DOCK4: variants seen among roughly 807,000 people sequenced by gnomAD.
DOCK4 encodes dedicator of cytokinesis 4, also known as dedicator of cytokinesis protein 4.
Under a neutral mutation model 268.1 loss-of-function variants are expected in DOCK4, and 97 were observed. The observed-to-expected ratio is 0.36, with a 90% CI of 0.31 to 0.43. DOCK4 has a LOEUF of 0.43. DOCK4 is among the 20% of genes least tolerant of loss of function. The probability of loss-of-function intolerance (pLI) is 1.00; values close to 1 mark genes in which losing one functional copy is unlikely to be tolerated. For synonymous variants in DOCK4, 954 were observed against 887.2 expected, an observed-to-expected ratio of 1.08 and a Z score of -1.34; for missense variants, 2,145 against 2,455.7, an observed-to-expected ratio of 0.87 and a Z score of 2.67.
intron 13 of DOCK4, 29 bp downstream of exon 13, chr7:111,915,750 A>G (rs771683888): frequency 6.2e-7 from 1 of 1,607,394 alleles, no homozygotes; most frequent in South Asian, 1.1e-5. Flanking sequence ...CCCATATTTC[A>G]TCATATCGGT....
At chr7:111,771,342 A>G (rs940279767) in intron 36 of DOCK4, among the ~76,000 whole-genome samples, 1 of 152,222 alleles carries the variant, frequency 6.6e-6, no homozygotes. Context: ...ACTTTCCAGG[A>G]ATGAGCAAGA....
At chr7:111,787,756 A>T (rs1184033706) in intron 32 of DOCK4, among the ~76,000 whole-genome samples, 1 of 152,224 alleles carries the variant, frequency 6.6e-6, no homozygotes, top group South Asian at 2.1e-4. Context: ...CATAAATACA[A>T]ACACGAATAT....
chr7:111,998,282 T>C lies in DOCK4; in HGVS notation c.218+166A>G, dbSNP rs563997693. On this transcript the variant is annotated intron_variant, in intron 4 of 52. Coordinates refer to ENST00000428084, the MANE Select transcript of DOCK4 (RefSeq NM_001363540.2). ...GCACACACAGATGGGGTTCTTTAAT[T>C]TTCTCCACCAACGGTCTTAATGCAA... 2.6e-5 allele frequency among the ~76,000 whole-genome samples: 4 copies of C among 152,320 alleles called. No homozygotes were observed. The South Asian group carries it at 8.3e-4, about 32-fold the overall frequency.
chr7:112,174,259 C>A (rs12671458), intron 1 of DOCK4, among the ~76,000 whole-genome samples: 1 of 152,152 alleles, frequency 6.6e-6, no homozygotes, highest in Admixed American at 6.5e-5. Flanking sequence ...CTCTCACACA[C>A]ACAATCTGGA....
intron 10 of DOCK4, among the ~76,000 whole-genome samples, 155 bp from the exon 11 acceptor site, chr7:111,940,397 T>C (rs1413942186): frequency 6.6e-6 from 1 of 152,216 alleles, no homozygotes; most frequent in Non-Finnish European, 1.5e-5. Flanking sequence ...GCTTCAGTTC[T>C]GGATTCTCCT....
chr7:111,982,126 G>A (rs1416113989), intron 7 of DOCK4, among the ~76,000 whole-genome samples: 1 of 152,146 alleles, frequency 6.6e-6, no homozygotes, highest in Non-Finnish European at 1.5e-5. Flanking sequence ...TGAATCAACT[G>A]AGAGAAAGCT....
chr7:111,788,968 C>A (rs923629993), intron 31 of DOCK4: 7 of 570,514 alleles, frequency 1.2e-5, no homozygotes, highest in South Asian at 4.2e-5. Context: ...GCGTTTACTG[C>A]TGCCAAAGAC....
At chr7:111,795,751 C>A (rs1413108665) in intron 30 of DOCK4, among the ~76,000 whole-genome samples, 1 of 152,200 alleles carries the variant, frequency 6.6e-6, no homozygotes, top group Non-Finnish European at 1.5e-5. Flanking sequence ...GTCCTGCCTA[C>A]CCTCTGCAGA....
At chr7:111,900,673 GT>G in intron 14 of DOCK4, 137 bp from the exon 15 acceptor site, 1 of 874,650 alleles carries the variant, frequency 1.1e-6, no homozygotes, top group South Asian at 1.8e-5. Flanking sequence ...TTTGCCGTGT[GT>G]TTCTGTACTT....
intron 12 of DOCK4, among the ~76,000 whole-genome samples, chr7:111,919,590 T>C (rs1392286619): frequency 6.6e-6 from 1 of 152,198 alleles, no homozygotes; most frequent in Non-Finnish European, 1.5e-5. Flanking sequence ...TGTAATTATG[T>C]CATTTGACTA....
In DOCK4 at chr7:111,728,503, T is replaced by C. The variant is rs756772847; in HGVS notation, c.5699A>G (p.Glu1900Gly). The C allele has an allele frequency of 6.2e-7, 1 of 1,613,152 alleles. No individual in the cohort carries two copies. The highest frequency in any genetic ancestry group is 8.5e-7 in the Non-Finnish European group (1 of 1,179,786). Residue 1900 changes from glutamate to glycine, a missense_variant, in exon 53 of 53, where the codon GAG (glutamate) becomes GGG (glycine). Coordinates refer to ENST00000428084, the MANE Select transcript of DOCK4 (RefSeq NM_001363540.2). The stretch of plus-strand genomic sequence containing the variant: ...AGTCTTGCTCTCCTTGCGCACTGGC[T>C]CCTCCCCGCCGTAGCTCGGCACGGG... ...PVPVPSYGGE[E>G]PVRKESKTPP... is the part of the protein sequence containing the mutation.
chr7:112,126,950 A>G lies in DOCK4; in HGVS notation c.37+79152T>C, dbSNP rs1404496761. Among the ~76,000 whole-genome samples, 4 of 152,052 alleles carry G rather than the reference A, an allele frequency of 2.6e-5. No individual in the cohort carries two copies. In the East Asian group the frequency reaches 5.8e-4, roughly 22 times the overall value. On this transcript the variant is annotated intron_variant, in intron 1 of 52. Transcript: ENST00000428084. ...GATGTGGAGAAATAGGAACACTTTT[A>G]CACTGTTGGTGGGACTGTAAACTAG...
At chr7:111,783,626 CTT>C (rs904562042) in intron 34 of DOCK4, among the ~76,000 whole-genome samples, 3 of 150,564 alleles carry the variant, frequency 2.0e-5, no homozygotes, top group Non-Finnish European at 4.4e-5. Context: ...TTCACCAAGA[CTT>C]TGAAAGAACT....
In DOCK4 at chr7:112,203,116, A is replaced by G. The variant is rs552566938; in HGVS notation, c.37+2986T>C. Among the ~76,000 whole-genome samples, 20 of 152,336 alleles carry G rather than the reference A, an allele frequency of 1.3e-4. 2 individuals are homozygous for G. The highest frequency in any genetic ancestry group is 4.8e-4 in the African/African-American group (20 of 41,582). On this transcript the variant is annotated intron_variant, in intron 1 of 52. Transcript: ENST00000428084. ...GAAGGCTTTAGTTAACACTTGCCCC[A>G]GACGCTGGGACCCAGAAAGGCTAAG...
rs186705338 is a variant in DOCK4 at position 111,839,518 on chromosome 7, T to G, written c.2737-4832A>C. On this transcript the variant is annotated intron_variant, in intron 25 of 52. Transcript: ENST00000428084. ...TTATGCAATAAGGAATAGACTTTCA[T>G]CTTAAGCCTTTACAGTCAATATACA... is the stretch of plus-strand genomic sequence containing the variant. Among the ~76,000 whole-genome samples, 42 of 152,366 alleles carry G rather than the reference T, an allele frequency of 2.8e-4. No homozygotes were observed. The East Asian group carries it at 7.5e-3, about 27-fold the overall frequency.
chr7:111,939,882 C>G (rs942769803), intron 11 of DOCK4, among the ~76,000 whole-genome samples: 1 of 152,224 alleles, frequency 6.6e-6, no homozygotes, highest in Non-Finnish European at 1.5e-5. Context: ...GTCTACCTAA[C>G]TGGTAAACTG....
At chr7:112,184,130 G>A (rs1358206852) in intron 1 of DOCK4, among the ~76,000 whole-genome samples, 2 of 152,110 alleles carry the variant, frequency 1.3e-5, no homozygotes, top group Non-Finnish European at 2.9e-5. Flanking sequence ...GCCCCTGCAC[G>A]TGCCTAATGC....
intron 1 of DOCK4, among the ~76,000 whole-genome samples, chr7:112,104,053 C>A (rs1810925122): frequency 6.6e-6 from 1 of 152,184 alleles, no homozygotes; most frequent in African/African-American, 2.4e-5. Flanking sequence ...TTTATTCCAA[C>A]AGGGATAGTA....
intron 6 of DOCK4, among the ~76,000 whole-genome samples, chr7:111,984,696 A>G (rs1798914465): frequency 6.6e-6 from 1 of 152,196 alleles, no homozygotes; most frequent in African/African-American, 2.4e-5. Context: ...GCGCCCTTCA[A>G]ATTATCACGA....
Sources: allele counts gnomAD v4.1 joint callset (sites outside exome capture counted in the v4.1 genomes callset), GRCh38; gene constraint gnomAD v4.1.1; transcripts MANE v1.5; gene names NCBI Gene and HGNC (gene_info 2026-07-23, HGNC 2026-07-21).